The following GRID2 variants were observed in gnomAD, a reference collection of about 807,000 sequenced individuals.
The protein encoded by GRID2 is glutamate ionotropic receptor delta type subunit 2.
In GRID2, 33 loss-of-function variants were observed where a neutral mutation model predicts 114.8. The ratio of observed to expected loss-of-function variants is 0.29; its 90% confidence interval spans 0.22 to 0.38. GRID2 has a LOEUF of 0.38. Ranked by LOEUF, GRID2 falls within the 10% of genes least tolerant of loss-of-function variation. The probability of loss-of-function intolerance (pLI) is 1.00; values close to 1 mark genes in which losing one functional copy is unlikely to be tolerated. For synonymous variants in GRID2, 505 were observed against 449.9 expected (o/e 1.12, Z -1.55); for missense variants, 1,184 against 1,257.7 (o/e 0.94, Z 0.89).
intron 14 of GRID2, among the ~76,000 whole-genome samples, chr4:93,665,653 GC>G (rs1292930491): frequency 1.3e-5 from 2 of 152,078 alleles, no homozygotes; most frequent in African/African-American, 4.8e-5. Flanking sequence ...TGCTCTAAAT[GC>G]TATAAGTTGA....
At chr4:93,414,037 A>G (rs1767465126) in intron 9 of GRID2, among the ~76,000 whole-genome samples, 1 of 152,156 alleles carries the variant, frequency 6.6e-6, no homozygotes, top group South Asian at 2.1e-4. Flanking sequence ...TCTTCCAAAG[A>G]CTGATGCCTC....
At chr4:92,927,176 C>T (rs1196765288) in intron 2 of GRID2, among the ~76,000 whole-genome samples, 1 of 151,746 alleles carries the variant, frequency 6.6e-6, no homozygotes, top group Admixed American at 6.6e-5. Context: ...CAACATGTTC[C>T]CAGCACTAAA....
intron 14 of GRID2, among the ~76,000 whole-genome samples, chr4:93,720,690 A>G (rs1233128644): frequency 6.6e-6 from 1 of 152,218 alleles, no homozygotes; most frequent in African/African-American, 2.4e-5. Flanking sequence ...AAGAATCAGC[A>G]AACATGAACT....
chr4:93,782,892 T>TACAC lies in GRID2; in HGVS notation c.221+13470_221+13473dup, dbSNP rs57202855. Among the ~76,000 whole-genome samples the TACAC allele has an allele frequency of 2.7e-4, 40 of 149,960 alleles. No individual in the cohort carries two copies. The South Asian group carries it at 6.1e-3, about 23-fold the overall frequency. On this transcript the variant is annotated intron_variant, in intron 1 of 1. Coordinates refer to the GRID2 transcript ENST00000637838. ...CTTTTAAAATATAAACCATGAATCA[T>TACAC]ACACACACACACACACACACACACA...
At chr4:92,554,922 T>C (rs376394873) in intron 1 of GRID2, among the ~76,000 whole-genome samples, 4 of 152,154 alleles carry the variant, frequency 2.6e-5, no homozygotes, top group Non-Finnish European at 4.4e-5. Flanking sequence ...AATCAAGTTA[T>C]GGTAATTGTG....
chr4:92,580,054 C>T (rs1002157326), intron 1 of GRID2, among the ~76,000 whole-genome samples: 55 of 147,658 alleles, frequency 3.7e-4, no homozygotes, highest in Admixed American at 8.2e-4. Flanking sequence ...TACATATATA[C>T]ATATAAATAT....
rs1207554028 is a variant in GRID2 at position 92,684,387 on chromosome 4, G to A, written c.244+94101G>A. ...TATAATGGAAATAAGGTTGTACAGT[G>A]TAATTTTATTACTTCAATATACCTA... On this transcript the variant is annotated intron_variant, in intron 2 of 15. Coordinates refer to ENST00000282020, the MANE Select transcript of GRID2 (RefSeq NM_001510.4). Among the ~76,000 whole-genome samples the A allele has an allele frequency of 3.3e-5, 5 of 151,884 alleles. No homozygotes were observed. In the South Asian group the frequency reaches 8.3e-4, roughly 25 times the overall value.
chr4:92,339,447 T>A (rs778696682), intron 1 of GRID2, among the ~76,000 whole-genome samples: 3 of 152,180 alleles, frequency 2.0e-5, no homozygotes, highest in African/African-American at 7.2e-5. Flanking sequence ...AGTATTCTTA[T>A]ATTTAAGTAA....
chr4:92,897,480 C>T lies in GRID2; in HGVS notation c.245-187515C>T, dbSNP rs779939360. Among the ~76,000 whole-genome samples the T allele has an allele frequency of 1.3e-4, 19 of 151,958 alleles. 1 individual carries two copies. The highest frequency in any genetic ancestry group is 2.5e-4 in the Non-Finnish European group (17 of 68,008). On this transcript the variant is annotated intron_variant, in intron 2 of 15. Coordinates refer to ENST00000282020, the MANE Select transcript of GRID2 (RefSeq NM_001510.4). ...TGGGAGTTCATTTTTAAGTCAACAT[C>T]TATTTCCCTTTTTTGTCACTCTACT...
chr4:92,498,170 T>C (rs1397610644), intron 1 of GRID2, among the ~76,000 whole-genome samples: 4 of 151,872 alleles, frequency 2.6e-5, no homozygotes, highest in Admixed American at 2.6e-4. Context: ...CACCTTTGCA[T>C]AAATGTTGTA....
intron 14 of GRID2, among the ~76,000 whole-genome samples, chr4:93,757,114 T>C (rs1437201239): frequency 1.3e-5 from 2 of 152,160 alleles, no homozygotes; most frequent in Non-Finnish European, 2.9e-5. Flanking sequence ...TGTCATTCAC[T>C]TATTCACTCA....
At chr4:93,698,997 A>G (rs1029781888) in intron 14 of GRID2, among the ~76,000 whole-genome samples, 3 of 152,030 alleles carry the variant, frequency 2.0e-5, no homozygotes, top group Non-Finnish European at 4.4e-5. Context: ...CTGTTATGAA[A>G]ATTACATGAG....
rs367628040 is a variant in GRID2, at chr4:93,729,552, CT to C, written c.2361-39647del. Among the ~76,000 whole-genome samples the C allele has an allele frequency of 5.9e-3, 865 of 146,182 alleles. 9 individuals carry two copies. The highest frequency in any genetic ancestry group is 0.019 in the African/African-American group (779 of 40,096). On this transcript the variant is annotated intron_variant, in intron 14 of 15. Transcript: ENST00000282020. ...CTCAGATAATACAGATAATCATTTT[CT>C]TTTTTTTTTTGAGATGGAGTCTCAC...
chr4:92,886,870 C>T (rs7696802), intron 2 of GRID2, among the ~76,000 whole-genome samples: 16,962 of 152,126 alleles, frequency 0.11, 1,519 homozygotes, highest in African/African-American at 0.24. Context: ...CGTGATCCAC[C>T]CGCCTCGGCC....
intron 3 of GRID2, among the ~76,000 whole-genome samples, chr4:93,102,901 A>G (rs1731834122): frequency 6.6e-6 from 1 of 151,810 alleles, no homozygotes; most frequent in Admixed American, 6.6e-5. Context: ...TTCTAAATGA[A>G]AGATGGAAAT....
intron 1 of GRID2, among the ~76,000 whole-genome samples, chr4:92,305,178 G>A (rs1260127568): frequency 6.6e-6 from 1 of 152,176 alleles, no homozygotes; most frequent in Non-Finnish European, 1.5e-5. Context: ...ACTGGGCTGG[G>A]GGGTAGGGGG....
chr4:93,535,887 GCTTT>G (rs1482536936), intron 13 of GRID2, among the ~76,000 whole-genome samples: 3 of 151,900 alleles, frequency 2.0e-5, no homozygotes, highest in African/African-American at 7.2e-5. Flanking sequence ...GACGTGCAGA[GCTTT>G]CTATTTTGAT....
At chr4:93,481,010 C>G (rs376686046) in intron 11 of GRID2, among the ~76,000 whole-genome samples, 9 of 151,906 alleles carry the variant, frequency 5.9e-5, no homozygotes, top group South Asian at 2.1e-4. Flanking sequence ...CACCCCCTGC[C>G]CAAGTATCAA....
rs148031752 is a variant in GRID2 at position 92,812,255 on chromosome 4, C to G, written c.244+221969C>G. Among the ~76,000 whole-genome samples, 152 of 152,108 alleles carry G rather than the reference C, an allele frequency of 1.0e-3. 1 individual carries two copies. The highest frequency in any genetic ancestry group is 3.5e-3 in the African/African-American group (146 of 41,520). On this transcript the variant is annotated intron_variant, in intron 2 of 15. Coordinates refer to ENST00000282020, the MANE Select transcript of GRID2 (RefSeq NM_001510.4). ...TGAGTGAGATATATGTCAGTTTAGA[C>G]ATTTAAAAATAAATCACTCTGATTT...
Sources: allele counts gnomAD v4.1 joint callset (sites outside exome capture counted in the v4.1 genomes callset), GRCh38; gene constraint gnomAD v4.1.1; transcripts MANE v1.5; gene names NCBI Gene and HGNC (gene_info 2026-07-23, HGNC 2026-07-21).